Variants in NFIC observed in about 807,000 individuals in gnomAD.
The protein encoded by NFIC is nuclear factor I C.
A neutral mutation model predicts 54.4 loss-of-function variants in NFIC; 12 were observed. The observed-to-expected ratio is 0.22, with a 90% confidence interval of 0.14 to 0.36. NFIC has a LOEUF of 0.36. Ranked by LOEUF, NFIC falls within the 10% of genes least tolerant of loss-of-function variation. The pLI, the probability that NFIC is intolerant of heterozygous loss-of-function variation, is 1.00. For missense variants in NFIC, 575 were observed against 718.2 expected (o/e 0.80, Z 2.28); for synonymous variants, 322 against 319.2 (o/e 1.01, Z -0.09).
chr19:3,414,053 G>C (rs968638504), intron 2 of NFIC, among the ~76,000 whole-genome samples: 1 of 152,026 alleles, frequency 6.6e-6, no homozygotes, highest in Non-Finnish European at 1.5e-5. Context: ...TCTGGCATCC[G>C]GGTGGCTCTC....
chr19:3,449,003 C>T lies in NFIC; in HGVS notation c.959-11C>T, dbSNP rs780255137. On this transcript the variant is annotated splice_polypyrimidine_tract_variant and intron_variant, in intron 6 of 10. Transcript: ENST00000443272. ...CCAGCCTGTGACTCTCTCGTCCCAT[C>T]CCCTCCACAGGCATCTCGTCCCCGG... 3.7e-6 allele frequency: 6 copies of T among 1,610,492 alleles called. No individual in the cohort carries two copies. Among genetic ancestry groups the T allele is most frequent in the East Asian group, 2.2e-5 (1 of 44,830 alleles).
At chr19:3,407,979 G>A (rs1265988874) in intron 2 of NFIC, among the ~76,000 whole-genome samples, 2 of 152,234 alleles carry the variant, frequency 1.3e-5, no homozygotes, top group African/African-American at 4.8e-5. Context: ...TTGAACCTTC[G>A]CCGGGTAATG....
At chr19:3,364,786 A>C (rs1379324703), upstream of NFIC, among the ~76,000 whole-genome samples, 2 of 152,146 alleles carry the variant, frequency 1.3e-5, no homozygotes, top group East Asian at 3.8e-4. Flanking sequence ...CGGGGTCTGG[A>C]AGTCTAGGAG....
intron 3 of NFIC, among the ~76,000 whole-genome samples, chr19:3,427,647 G>A (rs2082046701): frequency 6.6e-6 from 1 of 151,438 alleles, no homozygotes; most frequent in Admixed American, 6.6e-5. Context: ...TGACCAACAT[G>A]GTGAAACCGT....
chr19:3,441,607 C>A (rs1382962300), intron 6 of NFIC, among the ~76,000 whole-genome samples: 1 of 152,234 alleles, frequency 6.6e-6, no homozygotes, highest in Non-Finnish European at 1.5e-5. Flanking sequence ...TCCTGAGGTT[C>A]CCAGTGGGGC....
At position 3,369,413 on chromosome 19, in the gene NFIC, T is replaced by TCCCTGC; in HGVS notation, c.30+2748_30+2749insCCTGCC. Among the ~76,000 whole-genome samples the TCCCTGC allele has an allele frequency of 1.3e-5, 2 of 152,244 alleles. No individual in the cohort carries two copies. The highest frequency in any genetic ancestry group is 2.4e-5 in the African/African-American group (1 of 41,544). ...GTCTCTCTCTGTCTCTGGGCCTCCC[T>TCCCTGC]CTCCCCCTTTTCCCAGCTAATTTTA... On this transcript the variant is annotated intron_variant, in intron 1 of 10. Coordinates refer to ENST00000443272, the MANE Select transcript of NFIC (RefSeq NM_001245002.2). This position sits in a 1 kb window ranked among gnomAD's most constrained non-coding sequence, Gnocchi z 4.3.
At chr19:3,363,261 A>AT (rs1568391895), upstream of NFIC, among the ~76,000 whole-genome samples, 14 of 64,736 alleles carry the variant, frequency 2.2e-4, no homozygotes, top group African/African-American at 3.9e-4. Flanking sequence ...ATATATATAT[A>AT]TATATATATT....
At position 3,460,941 on chromosome 19, in the gene NFIC, A is replaced by G. The variant is rs373730260; in HGVS notation, c.1510-1811A>G. ...GGAGTTTGAGACCAGCCTGGCCAAC[A>G]TGGAGAAACCCCGTTTCTACCAAAA... On this transcript the variant is annotated intron_variant, in intron 10 of 10. Transcript: ENST00000443272. Among the ~76,000 whole-genome samples the G allele has an allele frequency of 5.3e-3, 803 of 152,040 alleles. 9 individuals are homozygous for G. Among genetic ancestry groups the G allele is most frequent in the African/African-American group, 0.019 (771 of 41,532 alleles).
chr19:3,383,363 A>G (rs921013719), intron 2 of NFIC, among the ~76,000 whole-genome samples: 1 of 152,154 alleles, frequency 6.6e-6, no homozygotes. Context: ...CAGGATGGCC[A>G]GGCCACAGTG....
At chr19:3,457,403 C>T (rs972021405) in intron 10 of NFIC, among the ~76,000 whole-genome samples, 6 of 152,084 alleles carry the variant, frequency 3.9e-5, no homozygotes, top group South Asian at 2.1e-4. Context: ...GGAGTGGGGG[C>T]GTGGGAGGGC....
chr19:3,449,427 C>G (rs7245655), intron 7 of NFIC, among the ~76,000 whole-genome samples: 12,554 of 151,960 alleles, frequency 0.083, 1,623 homozygotes, highest in African/African-American at 0.28. Context: ...CTAATCCCCC[C>G]ATTCCAACCC....
chr19:3,400,845 AAATAAT>A (rs1416364045), intron 2 of NFIC, among the ~76,000 whole-genome samples: 1 of 152,250 alleles, frequency 6.6e-6, no homozygotes, highest in East Asian at 1.9e-4. Context: ...CCGTCTCAAA[AAATAAT>A]AATAATAAAA....
At chr19:3,379,655 AT>A (rs1299817928) in intron 1 of NFIC, among the ~76,000 whole-genome samples, 594 of 110,126 alleles carry the variant, frequency 5.4e-3, no homozygotes, top group Non-Finnish European at 8.5e-3. Context: ...CTCATTTTTC[AT>A]TTTTTTTTAT....
intron 3 of NFIC, among the ~76,000 whole-genome samples, chr19:3,430,463 A>T (rs2082102466): frequency 6.6e-6 from 1 of 151,962 alleles, no homozygotes; most frequent in African/African-American, 2.4e-5. Context: ...ACCTTAAGTG[A>T]TTCTCTTGCC....
chr19:3,432,603 C>T (rs1432492040), intron 3 of NFIC, among the ~76,000 whole-genome samples: 1 of 151,808 alleles, frequency 6.6e-6, no homozygotes, highest in African/African-American at 2.4e-5. Context: ...GGGAAAGTGA[C>T]CTGCCCCAGA....
chr19:3,457,616 AGAAAC>A lies in NFIC; in HGVS notation c.1509+984_1509+988del, dbSNP rs2082579396. ...AGGCCCGGGAGGTCCAGACTCAGAG[AGAAAC>A]GAGCTCTGGGCTACCCAGCGGCCAC... On this transcript the variant is annotated intron_variant, in intron 10 of 10. Coordinates refer to ENST00000443272, the MANE Select transcript of NFIC (RefSeq NM_001245002.2). Among the ~76,000 whole-genome samples the A allele has an allele frequency of 2.0e-5, 3 of 152,254 alleles. No homozygotes were observed. In the East Asian group the frequency reaches 5.8e-4, roughly 29 times the overall value.
chr19:3,362,410 T>TGC (rs373372893), upstream of NFIC, among the ~76,000 whole-genome samples: 1 of 115,056 alleles, frequency 8.7e-6, no homozygotes, highest in East Asian at 2.2e-4. Context: ...CATGTGGGTC[T>TGC]GTGTGTGTGT....
At chr19:3,461,006 T>A (rs1031502665) in intron 10 of NFIC, among the ~76,000 whole-genome samples, 1 of 151,932 alleles carries the variant, frequency 6.6e-6, no homozygotes, top group Non-Finnish European at 1.5e-5. Flanking sequence ...ATGCGTGTAA[T>A]CCTAGCTACT....
At chr19:3,397,449 T>C (rs1188497697) in intron 2 of NFIC, among the ~76,000 whole-genome samples, 1 of 152,178 alleles carries the variant, frequency 6.6e-6, no homozygotes. Context: ...GCAGCCAGGC[T>C]GGGGGCTGGG....
Sources: allele counts gnomAD v4.1 joint callset (sites outside exome capture counted in the v4.1 genomes callset), GRCh38; gene constraint gnomAD v4.1.1; non-coding constraint Gnocchi (gnomAD v3.1); transcripts MANE v1.5; gene names NCBI Gene and HGNC (gene_info 2026-07-23, HGNC 2026-07-21).